PLXNA4: variants seen among roughly 807,000 people sequenced by gnomAD.
PLXNA4 encodes plexin-A4.
PLXNA4 carries 44 observed loss-of-function variants against 191.8 expected under a neutral mutation model. The observed-to-expected ratio is 0.23, with a 90% CI of 0.18 to 0.29. The LOEUF (loss-of-function observed/expected upper bound fraction) is 0.29, where lower values mean the gene tolerates loss of function less well. Among genes scored for constraint, PLXNA4 ranks in the 10% least tolerant of loss-of-function variants. The probability of loss-of-function intolerance (pLI) is 1.00; values close to 1 mark genes in which losing one functional copy is unlikely to be tolerated. For synonymous variants in PLXNA4, 1,082 were observed against 1,009.5 expected (o/e 1.07, Z -1.36); for missense variants, 1,800 against 2,488.8 (o/e 0.72, Z 5.89).
At chr7:132,376,826 C>A (rs1293682681) in intron 3 of PLXNA4, among the ~76,000 whole-genome samples, 1 of 152,214 alleles carries the variant, frequency 6.6e-6, no homozygotes, top group African/African-American at 2.4e-5. Context: ...CCTGGCCCCA[C>A]CTGCACCCAG....
intron 3 of PLXNA4, among the ~76,000 whole-genome samples, chr7:132,424,258 C>G (rs534859250): frequency 2.2e-4 from 34 of 152,290 alleles, no homozygotes; most frequent in African/African-American, 7.0e-4. Flanking sequence ...GTCTGCCCCC[C>G]GCTCCCTGGC....
intron 1 of PLXNA4, among the ~76,000 whole-genome samples, chr7:132,563,019 T>TCCTCC (rs1801361374): frequency 2.6e-5 from 1 of 38,594 alleles, no homozygotes; most frequent in Non-Finnish European, 4.9e-5. Context: ...CCTCTTTCTC[T>TCCTCC]TCCTCTTTCT....
intron 24 of PLXNA4, 128 bp from the exon 25 acceptor site, chr7:132,159,760 G>C: frequency 5.4e-6 from 8 of 1,476,266 alleles, no homozygotes; most frequent in Non-Finnish European, 7.3e-6. Flanking sequence ...GGGAGGAGTA[G>C]GGTGGCTCCA....
intron 3 of PLXNA4, among the ~76,000 whole-genome samples, chr7:132,422,074 G>C (rs1041535212): frequency 6.6e-6 from 1 of 152,194 alleles, no homozygotes; most frequent in Non-Finnish European, 1.5e-5. Flanking sequence ...ACAGAAAAAC[G>C]GTTATACTCT....
chr7:132,576,209 C>G lies in PLXNA4; in HGVS notation c.-87+213G>C, dbSNP rs1021199600. 1.3e-5 allele frequency among the ~76,000 whole-genome samples: 2 copies of G among 152,244 alleles called. No individual in the cohort carries two copies. The highest frequency in any genetic ancestry group is 4.8e-5 in the African/African-American group (2 of 41,470). Reference sequence around the variant, plus strand: ...ACCCGGGAAATCCCTGCTCCGGCCGCTGCACCTCCGCGGGCGTCCAGGTGG... The same window carrying G: ...ACCCGGGAAATCCCTGCTCCGGCCGGTGCACCTCCGCGGGCGTCCAGGTGG... On this transcript the variant is annotated intron_variant, in intron 1 of 31. Transcript: ENST00000321063. The surrounding 1 kb of genome is among the most constrained non-coding windows in gnomAD (Gnocchi z 5.8).
At chr7:132,367,983 G>A (rs899564937) in intron 3 of PLXNA4, 5 of 152,180 alleles carry the variant, frequency 3.3e-5, no homozygotes, top group Non-Finnish European at 7.3e-5. Context: ...TCTTCCAACT[G>A]TGACACTTTT....
At chr7:132,350,666 T>C (rs979496953) in intron 3 of PLXNA4, among the ~76,000 whole-genome samples, 1 of 152,092 alleles carries the variant, frequency 6.6e-6, no homozygotes, top group Non-Finnish European at 1.5e-5. Flanking sequence ...GTGCAGCAAT[T>C]GGAACCCTCA....
chr7:132,637,007 T>C lies in PLXNA4; in HGVS notation c.-87+8921A>G, dbSNP rs1006578660. 6.6e-5 allele frequency among the ~76,000 whole-genome samples: 10 copies of C among 152,306 alleles called. No individual in the cohort carries two copies. In the East Asian group the frequency reaches 1.9e-3, roughly 29 times the overall value. On this transcript the variant is annotated intron_variant, in intron 2 of 4. Transcript: ENST00000378539. Reference sequence around the variant, plus strand: ...GCTATTGCCTCAAGTCTTCTTGATATTGTTTGACGCTGAAACAGTGCTTTG... The same window carrying C: ...GCTATTGCCTCAAGTCTTCTTGATACTGTTTGACGCTGAAACAGTGCTTTG...
chr7:132,462,346 G>C (rs2117365338), intron 3 of PLXNA4, among the ~76,000 whole-genome samples: 1 of 152,134 alleles, frequency 6.6e-6, no homozygotes, highest in South Asian at 2.1e-4. Flanking sequence ...AAAGGAAATA[G>C]GAAGTAAATG....
At chr7:132,530,703 C>A (rs1466727423) in intron 1 of PLXNA4, among the ~76,000 whole-genome samples, 1 of 152,186 alleles carries the variant, frequency 6.6e-6, no homozygotes, top group Non-Finnish European at 1.5e-5. Flanking sequence ...AAAAGCTAAA[C>A]ATAGAATTAC....
intron 3 of PLXNA4, among the ~76,000 whole-genome samples, chr7:132,322,446 G>A (rs1225290629): frequency 2.6e-5 from 4 of 152,172 alleles, no homozygotes; most frequent in Non-Finnish European, 5.9e-5. Context: ...GCCTCCCAAA[G>A]TGCTGGGATT....
chr7:132,535,776 G>C (rs997992095), intron 1 of PLXNA4, among the ~76,000 whole-genome samples: 3 of 36,450 alleles, frequency 8.2e-5, no homozygotes, highest in African/African-American at 2.6e-4. Flanking sequence ...GAAAAATCAA[G>C]GCATCTTCCC....
chr7:132,607,181 C>T (rs560005308), intron 2 of PLXNA4, among the ~76,000 whole-genome samples: 2 of 152,184 alleles, frequency 1.3e-5, no homozygotes, highest in South Asian at 4.1e-4. Context: ...AAAACCCGCA[C>T]CCAGAGCATT....
At chr7:132,268,487 T>A (rs2116309356) in intron 4 of PLXNA4, among the ~76,000 whole-genome samples, 1 of 152,322 alleles carries the variant, frequency 6.6e-6, no homozygotes, top group African/African-American at 2.4e-5. Context: ...TTTGTTTGGA[T>A]CACTGGTCTG....
intron 2 of PLXNA4, among the ~76,000 whole-genome samples, chr7:132,626,345 G>A (rs559580053): frequency 2.0e-5 from 3 of 152,298 alleles, no homozygotes; most frequent in African/African-American, 7.2e-5. Flanking sequence ...GAGTGCTGTC[G>A]GTGCTCAGCC....
chr7:132,621,634 T>C (rs1340491442), intron 2 of PLXNA4, among the ~76,000 whole-genome samples: 1 of 152,104 alleles, frequency 6.6e-6, no homozygotes, highest in African/African-American at 2.4e-5. Context: ...AGTGTTACTC[T>C]AGGAAAAAAT....
At chr7:132,536,229 G>T (rs1047064725) in intron 1 of PLXNA4, among the ~76,000 whole-genome samples, 2 of 152,188 alleles carry the variant, frequency 1.3e-5, no homozygotes, top group African/African-American at 4.8e-5. Flanking sequence ...GGTGTTTGCG[G>T]TTATTATTGC....
chr7:132,501,219 AGT>A lies in PLXNA4; in HGVS notation c.1188+6285_1188+6286del, dbSNP rs560915106. ...GGCTAAGAGAGGACCGTGCACCAAGAGTGTGAGTGAGTGAGCAAGAGGAGAGA... is the reference window on the plus strand; with the variant it reads ...GGCTAAGAGAGGACCGTGCACCAAGAGTGAGTGAGTGAGCAAGAGGAGAGA... On this transcript the variant is annotated intron_variant, in intron 2 of 31. Transcript: ENST00000321063. Among the ~76,000 whole-genome samples the A allele has an allele frequency of 4.3e-3, 654 of 152,244 alleles. 2 individuals carry two copies. The highest frequency in any genetic ancestry group is 0.037 in the Middle Eastern group (11 of 294).
intron 4 of PLXNA4, among the ~76,000 whole-genome samples, chr7:132,255,441 C>T (rs948523043): frequency 6.6e-6 from 1 of 152,204 alleles, no homozygotes; most frequent in Non-Finnish European, 1.5e-5. Context: ...CTTATAGGCA[C>T]GACCACCATG....
Sources: gnomAD v4.1 joint callset for allele counts (sites outside exome capture counted in the v4.1 genomes callset) on GRCh38, gnomAD v4.1.1 for gene constraint, Gnocchi (gnomAD v3.1) non-coding constraint, MANE v1.5 for transcripts, NCBI Gene and HGNC (gene_info 2026-07-23, HGNC 2026-07-21) for gene names.